The following ACTN4 variants were observed in gnomAD, a reference collection of about 807,000 sequenced individuals.
The protein encoded by ACTN4 is alpha-actinin-4.
In ACTN4, 18 loss-of-function variants were observed where a neutral mutation model predicts 114.2. The ratio of observed to expected loss-of-function variants is 0.16; its 90% CI spans 0.11 to 0.23. The LOEUF (loss-of-function observed/expected upper bound fraction) is 0.23, where lower values mean the gene tolerates loss of function less well. Among genes scored for constraint, ACTN4 ranks in the 10% least tolerant of loss-of-function variants. The pLI, the probability that ACTN4 is intolerant of heterozygous loss-of-function variation, is 1.00. For missense variants in ACTN4, 722 were observed against 1,262.9 expected (o/e 0.57, Z 6.49); for synonymous variants, 515 against 506.3 (o/e 1.02, Z -0.23).
intron 1 of ACTN4, among the ~76,000 whole-genome samples, chr19:38,684,829 T>C (rs189829420): frequency 6.6e-6 from 1 of 152,168 alleles, no homozygotes; most frequent in Non-Finnish European, 1.5e-5. Flanking sequence ...AAGACACTGC[T>C]AATGTTGTCT....
At chr19:38,726,930 C>T in intron 17 of ACTN4, 27 bp from the exon 18 acceptor site, 1 of 1,613,118 alleles carries the variant, frequency 6.2e-7, no homozygotes. Context: ...GCACCCGGCC[C>T]ACGATCACGC....
At chr19:38,710,836 G>A (rs1455183218) in intron 8 of ACTN4, 6 of 270,288 alleles carry the variant, frequency 2.2e-5, no homozygotes, top group African/African-American at 1.1e-4. Flanking sequence ...GAAGCTTGGC[G>A]TATTCAGGGA....
intron 8 of ACTN4, chr19:38,711,243 C>CCTCTCTCTCTCTTT: frequency 1.1e-6 from 1 of 916,670 alleles, no homozygotes; most frequent in South Asian, 4.9e-5. Context: ...CTCTCTCCTG[C>CCTCTCTCTCTCTTT]CTCTCTCTCT....
At position 38,731,031 on chromosome 19, in the gene ACTN4, G is replaced by A; in HGVS notation, c.*1599G>A. 1 of 1,555,656 alleles carries A rather than the reference G, an allele frequency of 6.4e-7. No homozygotes were observed. The highest frequency in any genetic ancestry group is 8.7e-7 in the Non-Finnish European group (1 of 1,150,138). On this transcript the variant is annotated 3_prime_UTR_variant, in exon 21 of 21. Transcript: ENST00000252699. ...GGTGCTGGCTGCAGTGGCCTGTGCA[G>A]AGAGGGGCAGGGTGAGTGCCCACCA...
intron 3 of ACTN4, among the ~76,000 whole-genome samples, chr19:38,703,693 G>A (rs536040814): frequency 1.3e-5 from 2 of 152,260 alleles, no homozygotes; most frequent in East Asian, 1.9e-4. Context: ...CCGCCCTCAC[G>A]AGGGCAGGCA....
chr19:38,667,316 TTGG>T (rs1966992143), intron 1 of ACTN4, among the ~76,000 whole-genome samples: 4 of 151,472 alleles, frequency 2.6e-5, no homozygotes, highest in Non-Finnish European at 4.4e-5. Flanking sequence ...GCGAGGAGAG[TTGG>T]TGGGATTAAA....
chr19:38,681,602 T>C (rs1405895366), intron 1 of ACTN4, among the ~76,000 whole-genome samples: 2 of 152,224 alleles, frequency 1.3e-5, no homozygotes, highest in Non-Finnish European at 2.9e-5. Context: ...CGCGCTCTCC[T>C]TTCAAGGCCC....
At chr19:38,712,965 G>C (rs972107787) in intron 8 of ACTN4, among the ~76,000 whole-genome samples, 1 of 135,378 alleles carries the variant, frequency 7.4e-6, no homozygotes, top group African/African-American at 2.7e-5. Flanking sequence ...CCTCTCTGAG[G>C]GGGTAGTGGA....
intron 1 of ACTN4, among the ~76,000 whole-genome samples, chr19:38,673,501 ATATATGAATATAT>A (rs1336161235): frequency 5.2e-5 from 6 of 114,374 alleles, no homozygotes; most frequent in Non-Finnish European, 1.1e-4. Flanking sequence ...ATATATTTAT[ATATATGAATATAT>A]ATTTATATAT....
chr19:38,703,596 G>T (rs1056621727), intron 3 of ACTN4, among the ~76,000 whole-genome samples: 1 of 152,124 alleles, frequency 6.6e-6, no homozygotes, highest in Non-Finnish European at 1.5e-5. Context: ...CCTCAGGCCC[G>T]TGCTCTCCCC....
rs1277591869 is a variant in ACTN4 at position 38,647,744 on chromosome 19, G to A, written c.-2G>A. On this transcript the variant is annotated 5_prime_UTR_variant, in exon 1 of 21. Transcript: ENST00000252699. ...GCTGGTGGGCGAGCGAGAGGCGGCG[G>A]AATGGTGGACTACCACGCGGCGAAC... is the stretch of plus-strand genomic sequence containing the variant. The A allele has an allele frequency of 1.3e-6, 2 of 1,544,948 alleles. No individual in the cohort carries two copies. Among genetic ancestry groups the A allele is most frequent in the Non-Finnish European group, 1.7e-6 (2 of 1,147,044 alleles).
At chr19:38,671,593 G>A (rs1967130587) in intron 1 of ACTN4, among the ~76,000 whole-genome samples, 1 of 152,202 alleles carries the variant, frequency 6.6e-6, no homozygotes, top group Non-Finnish European at 1.5e-5. Context: ...CTTATTGATA[G>A]GAGAGTTGAT....
At chr19:38,718,395 G>A (rs141338616) in intron 11 of ACTN4, 18 of 418,232 alleles carry the variant, frequency 4.3e-5, no homozygotes, top group African/African-American at 3.2e-4. Context: ...AATTAGCCAG[G>A]CATAGTGGTG....
At chr19:38,725,346 G>C (rs1055896408) in intron 16 of ACTN4, among the ~76,000 whole-genome samples, 4 of 152,210 alleles carry the variant, frequency 2.6e-5, no homozygotes, top group African/African-American at 9.7e-5. Flanking sequence ...GCTGCAGCCA[G>C]GCCAGGGTTC....
chr19:38,657,035 G>A (rs1976731685), intron 1 of ACTN4, among the ~76,000 whole-genome samples: 1 of 152,134 alleles, frequency 6.6e-6, no homozygotes, highest in South Asian at 2.1e-4. Flanking sequence ...GAGTGCAGTG[G>A]CCTAATCATA....
At chr19:38,682,941 T>C (rs577430763) in intron 1 of ACTN4, among the ~76,000 whole-genome samples, 1 of 152,328 alleles carries the variant, frequency 6.6e-6, no homozygotes, top group Non-Finnish European at 1.5e-5. Flanking sequence ...CTCCGTGTTA[T>C]GGTACCCATC....
At chr19:38,680,683 A>C (rs1265346937) in intron 1 of ACTN4, among the ~76,000 whole-genome samples, 2 of 152,146 alleles carry the variant, frequency 1.3e-5, no homozygotes, top group Admixed American at 6.6e-5. Flanking sequence ...CCGAGTCAGA[A>C]ACCTTGGAGT....
At position 38,730,946 on chromosome 19, in the gene ACTN4, T is replaced by TC; in HGVS notation, c.*1517dup. 1 of 1,550,496 alleles carries TC rather than the reference T, an allele frequency of 6.4e-7. No individual in the cohort carries two copies. Among genetic ancestry groups the TC allele is most frequent in the Non-Finnish European group, 8.7e-7 (1 of 1,147,026 alleles). ...GCAGGACAGAGCCTGAGCCACCCTG[T>TC]CCCTCCCACCTGGCTCACCTGTCTG... On this transcript the variant is annotated 3_prime_UTR_variant, in exon 21 of 21. Coordinates refer to ENST00000252699, the MANE Select transcript of ACTN4 (RefSeq NM_004924.6).
chr19:38,699,146 C>T (rs1203614220), intron 1 of ACTN4, among the ~76,000 whole-genome samples: 4 of 152,158 alleles, frequency 2.6e-5, no homozygotes, highest in African/African-American at 4.8e-5. Flanking sequence ...TCCCTGAAGG[C>T]GCCTGGGCGT....
Sources: gnomAD v4.1 joint callset for allele counts (sites outside exome capture counted in the v4.1 genomes callset) on GRCh38, gnomAD v4.1.1 for gene constraint, MANE v1.5 for transcripts, NCBI Gene and HGNC (gene_info 2026-07-23, HGNC 2026-07-21) for gene names.